Variants in PRDM4 observed in about 807,000 individuals in gnomAD.
PRDM4 encodes PR domain zinc finger protein 4.
PRDM4 carries 38 observed loss-of-function variants against 62.3 expected under a neutral mutation model. That is an observed-to-expected ratio of 0.61 (90% CI 0.47 to 0.80). PRDM4 has a LOEUF of 0.80. Among genes scored for constraint, PRDM4 ranks in the 30% least tolerant of loss-of-function variants. PRDM4 has a pLI of 0.00. For synonymous variants in PRDM4, 339 were observed against 348.2 expected, an observed-to-expected ratio of 0.97 and a Z score of 0.30; for missense variants, 858 against 997.1, an observed-to-expected ratio of 0.86 and a Z score of 1.88.
chr12:107,744,241 T>C (rs566981548), intron 7 of PRDM4, among the ~76,000 whole-genome samples: 39 of 152,356 alleles, frequency 2.6e-4, no homozygotes, highest in African/African-American at 8.9e-4. Context: ...ACAAAGTCTG[T>C]GGCCTCAGCA....
intron 5 of PRDM4, among the ~76,000 whole-genome samples, chr12:107,748,750 A>G (rs975256186): frequency 6.6e-6 from 1 of 152,160 alleles, no homozygotes; most frequent in Non-Finnish European, 1.5e-5. Flanking sequence ...GGAAGGAGAC[A>G]GTGGTGGTGG....
intron 2 of PRDM4, among the ~76,000 whole-genome samples, chr12:107,758,999 G>A (rs1363574361): frequency 6.6e-6 from 1 of 152,212 alleles, no homozygotes; most frequent in African/African-American, 2.4e-5. Flanking sequence ...CCCAGGTGTG[G>A]TGATTTACAC....
chr12:107,734,062 TA>T lies in PRDM4; in HGVS notation c.*147del. On this transcript the variant is annotated 3_prime_UTR_variant, in exon 12 of 12. Transcript: ENST00000228437. ...GTGTTTTCATTAGGATACTCTTCTG[TA>T]AGTGCTTTATTCATTCCCAGTCTGT... 1.3e-6 allele frequency: 1 copy of T among 778,668 alleles called. No individual in the cohort carries two copies. Among genetic ancestry groups the T allele is most frequent in the Non-Finnish European group, 2.0e-6 (1 of 499,222 alleles). 48.2% of individuals were successfully genotyped at this position (778,668 alleles called of 1,614,324 possible). A position where few individuals can be genotyped will look rare whatever the true frequency, so the allele number is the denominator to read the frequency against.
chr12:107,739,342 C>A, intron 11 of PRDM4, 41 bp downstream of exon 11: 1 of 1,594,942 alleles, frequency 6.3e-7, no homozygotes, highest in Admixed American at 1.7e-5. Flanking sequence ...CACAAAGGCT[C>A]ACCACCTGAG....
intron 11 of PRDM4, among the ~76,000 whole-genome samples, chr12:107,735,612 C>T (rs138866793): frequency 6.6e-6 from 1 of 151,938 alleles, no homozygotes; most frequent in East Asian, 1.9e-4. Flanking sequence ...AAGGATGCTG[C>T]TAACCATTCT....
intron 2 of PRDM4, 62 bp downstream of exon 2, chr12:107,760,443 G>C: frequency 6.2e-7 from 1 of 1,605,902 alleles, no homozygotes; most frequent in Non-Finnish European, 8.5e-7. Flanking sequence ...ACTGACCCTG[G>C]ACACTCACTC....
rs753372867 is a variant in PRDM4 at position 107,751,921 on chromosome 12, T to C, written c.620A>G (p.Asp207Gly). 7 of 1,614,118 alleles carry C rather than the reference T, an allele frequency of 4.3e-6. No homozygotes were observed. In the East Asian group the frequency reaches 1.3e-4, roughly 31 times the overall value. The change falls in exon 5 of 12, where the codon GAT becomes GGT. Residue 207 changes from aspartate (D) to glycine (G), a missense_variant. Around this residue, in one of 3 missense-constraint regions of PRDM4, gnomAD observed 499 missense variants for 546.7 expected, o/e 0.91. Coordinates refer to ENST00000228437, the MANE Select transcript of PRDM4 (RefSeq NM_012406.4). ...CATCGTAAGCTCCTCTGCCATTCCA[T>C]CTGTCGAAATTGGGCTGGTAACCCT... is the stretch of plus-strand genomic sequence containing the variant. ...VSRVTSPIST[D>G]GMAEELTMDG... is the part of the protein sequence containing the mutation.
Position 107,760,321 on chromosome 12 carries a change from T to C in PRDM4, c.11+184A>G, listed in dbSNP as rs537284906. 5.9e-5 allele frequency among the ~76,000 whole-genome samples: 9 copies of C among 152,354 alleles called. 1 individual carries two copies. Among genetic ancestry groups the C allele is most frequent in the South Asian group, 2.1e-4 (1 of 4,830 alleles). ...TGGCTACTGGGAACAACTTTCCACA[T>C]GTGGAGTAAATTAGGATGCATGAGA... On this transcript the variant is annotated intron_variant, in intron 2 of 11. Transcript: ENST00000228437.
intron 10 of PRDM4, 199 bp from the exon 11 acceptor site, chr12:107,739,750 A>G: frequency 2.2e-6 from 1 of 462,212 alleles, no homozygotes; most frequent in Non-Finnish European, 3.8e-6. Context: ...AAGCTAGTAA[A>G]TTAATTTGAT....
intron 7 of PRDM4, among the ~76,000 whole-genome samples, chr12:107,744,005 T>C (rs1404870182): frequency 6.6e-6 from 1 of 151,992 alleles, no homozygotes; most frequent in African/African-American, 2.4e-5. Context: ...ATTCAGCTAC[T>C]TGGGAGGCTG....
chr12:107,760,547 G>C lies in PRDM4; in HGVS notation c.-32C>G. 6.2e-7 allele frequency: 1 copy of C among 1,612,190 alleles called. No homozygotes were observed. Among genetic ancestry groups the C allele is most frequent in the Non-Finnish European group, 8.5e-7 (1 of 1,179,160 alleles). ...GGGGCCAAATATCAGAGAAAGGAGC[G>C]CTCGGGTGGTGGGGAACAGGCATCA... On this transcript the variant is annotated 5_prime_UTR_variant, in exon 2 of 12. Transcript: ENST00000228437.
intron 2 of PRDM4, among the ~76,000 whole-genome samples, chr12:107,758,031 G>A (rs1249981510): frequency 6.6e-6 from 1 of 152,114 alleles, no homozygotes; most frequent in East Asian, 1.9e-4. Flanking sequence ...CTGCGTATGG[G>A]AGGGGGTGAA....
intron 7 of PRDM4, 51 bp from the exon 8 acceptor site, chr12:107,743,333 G>A: frequency 7.6e-7 from 1 of 1,320,350 alleles, no homozygotes; most frequent in East Asian, 2.3e-5. Flanking sequence ...ATGCAATAAA[G>A]CACTACATTA....
chr12:107,737,340 AG>A (rs1338201371), intron 11 of PRDM4, among the ~76,000 whole-genome samples: 3 of 152,156 alleles, frequency 2.0e-5, no homozygotes, highest in African/African-American at 7.2e-5. Context: ...CGATCTCCAT[AG>A]GAAGCCTAAA....
chr12:107,734,508 T>C lies in PRDM4; in HGVS notation c.2108A>G (p.Lys703Arg). The change falls in exon 12 of 12, where the codon AAG becomes AGG. Residue 703 changes from lysine to arginine, a missense_variant. This residue lies in a region of PRDM4 where 355 missense variants were observed against 432.6 expected (regional missense o/e 0.82). Transcript: ENST00000228437. Reference protein sequence around the residue: ...VLIHTQERQIKCPKCDKLFLR... With the variant: ...VLIHTQERQIRCPKCDKLFLR... Reference sequence around the variant, plus strand: ...GAACAGCTTATCACACTTGGGACACTTGATCTGGCGTTCTCTAAGAGGAAC... The same window carrying C: ...GAACAGCTTATCACACTTGGGACACCTGATCTGGCGTTCTCTAAGAGGAAC... 1 of 1,611,562 alleles carries C rather than the reference T, an allele frequency of 6.2e-7. No homozygotes were observed. The highest frequency in any genetic ancestry group is 2.2e-5 in the East Asian group (1 of 44,878).
At position 107,751,796 on chromosome 12, in the gene PRDM4, C is replaced by G. The variant is rs1390465816; in HGVS notation, c.745G>C (p.Val249Leu). The change falls in exon 5 of 12, where the codon GTA (valine) becomes CTA (leucine). Residue 249 changes from valine to leucine, a missense_variant. This residue lies in a region of PRDM4 where 499 missense variants were observed against 546.7 expected (regional missense o/e 0.91). Transcript: ENST00000228437. ...ATGGGTATCACACCACCATGTCCTA[C>G]AGCGTCTGCTGCAAGGTTGTTGCTC... is the stretch of plus-strand genomic sequence containing the variant. The part of the protein sequence containing the change: ...SVSNNLAADA[V>L]GHGGVIPMHG... 6.2e-7 allele frequency: 1 copy of G among 1,614,114 alleles called. No homozygotes were observed. Among genetic ancestry groups the G allele is most frequent in the East Asian group, 2.2e-5 (1 of 44,892 alleles).
chr12:107,734,314 C>A lies in PRDM4; in HGVS notation c.2302G>T (p.Asp768Tyr), dbSNP rs1233900559. The A allele has an allele frequency of 6.2e-7, 1 of 1,614,062 alleles. No individual in the cohort carries two copies. The highest frequency in any genetic ancestry group is 1.3e-5 in the African/African-American group (1 of 74,922). ...SSSAPEEEEE[D>Y]DSEEEDLADS... Reference sequence around the variant, plus strand: ...GCTAGATCTTCCTCTTCTGAGTCATCCTCTTCTTCCTCCTCTGGTGCTGAC... The same window carrying A: ...GCTAGATCTTCCTCTTCTGAGTCATACTCTTCTTCCTCCTCTGGTGCTGAC... The change falls in exon 12 of 12, where the codon GAT (aspartate) becomes TAT (tyrosine). Residue 768 changes from aspartate (D) to tyrosine (Y), a missense_variant. This residue lies in a region of PRDM4 where 355 missense variants were observed against 432.6 expected (regional missense o/e 0.82). Transcript: ENST00000228437.
At chr12:107,748,538 A>G (rs1325794554) in intron 5 of PRDM4, among the ~76,000 whole-genome samples, 1 of 152,270 alleles carries the variant, frequency 6.6e-6, no homozygotes, top group African/African-American at 2.4e-5. Flanking sequence ...AACATGGATG[A>G]GACAGAACAG....
chr12:107,760,598 TACC>T lies in PRDM4; in HGVS notation c.-86_-84del. The T allele has an allele frequency of 1.9e-6, 3 of 1,546,758 alleles. No individual in the cohort carries two copies. Among genetic ancestry groups the T allele is most frequent in the South Asian group, 1.2e-5 (1 of 85,960 alleles). ...GGGTTTGCGTTCCAGGGTCACGTGC[TACC>T]ACATCTTGCTCACAACCGCTGCACC... On this transcript the variant is annotated 5_prime_UTR_variant, in exon 2 of 12. The change creates a premature stop within an existing upstream ORF in the 5' untranslated region. Coordinates refer to ENST00000228437, the MANE Select transcript of PRDM4 (RefSeq NM_012406.4).
Sources: allele counts gnomAD v4.1 joint callset (sites outside exome capture counted in the v4.1 genomes callset), GRCh38; gene constraint gnomAD v4.1.1; regional missense constraint gnomAD v4.1.1; transcripts MANE v1.5; gene names NCBI Gene and HGNC (gene_info 2026-07-23, HGNC 2026-07-21).